Variants in RARRES1 observed in about 807,000 individuals in gnomAD.
RARRES1 encodes the protein retinoic acid receptor responder protein 1.
RARRES1 carries 34 observed loss-of-function variants against 30.6 expected under a neutral mutation model. The ratio of observed to expected loss-of-function variants is 1.11; its 90% CI spans 0.84 to 1.48. RARRES1 has a LOEUF of 1.48. Ranked by LOEUF, RARRES1 falls within the 40% of genes most tolerant of loss-of-function variation. The pLI is 0.00. For missense variants in RARRES1, 373 were observed against 386.5 expected (o/e 0.97, Z 0.29); for synonymous variants, 153 against 155.5 (o/e 0.98, Z 0.12).
In RARRES1 at chr3:158,732,232, C is replaced by T; in HGVS notation, c.184G>A (p.Ala62Thr). The change falls in exon 1 of 6, where the codon GCG becomes ACG. Residue 62 changes from alanine (A) to threonine (T), a missense_variant. Coordinates refer to ENST00000237696, the MANE Select transcript of RARRES1 (RefSeq NM_206963.2). ...AAGAAGTGAAGCGCCGCGCGCGCCGCCTGCTGCAGGAGCCTGCGCGGGACC... is the reference window on the plus strand; with the variant it reads ...AAGAAGTGAAGCGCCGCGCGCGCCGTCTGCTGCAGGAGCCTGCGCGGGACC... ...AGVPRRLLQQ[A>T]ARAALHFFNF... is the part of the protein sequence containing the mutation. 1.4e-6 allele frequency: 2 copies of T among 1,399,016 alleles called. No homozygotes were observed. Among genetic ancestry groups the T allele is most frequent in the Non-Finnish European group, 1.8e-6 (2 of 1,084,168 alleles). 86.7% of individuals were successfully genotyped at this position (1,399,016 alleles called of 1,614,324 possible).
chr3:158,726,396 G>T (rs1727682812), intron 1 of RARRES1, among the ~76,000 whole-genome samples: 1 of 152,216 alleles, frequency 6.6e-6, no homozygotes. Flanking sequence ...AGTGGACAGG[G>T]CTCCATGCTT....
chr3:158,719,205 G>T (rs1727419838), intron 1 of RARRES1, among the ~76,000 whole-genome samples: 1 of 151,512 alleles, frequency 6.6e-6, no homozygotes, highest in South Asian at 2.1e-4. Context: ...AAAGACTTGT[G>T]TACTACAGCC....
intron 1 of RARRES1, among the ~76,000 whole-genome samples, chr3:158,715,174 C>A (rs1194902848): frequency 6.6e-6 from 1 of 152,228 alleles, no homozygotes; most frequent in African/African-American, 2.4e-5. Context: ...TCTGTCTATT[C>A]ACTCATTCGC....
At chr3:158,706,133 C>G (rs1020219964) in intron 3 of RARRES1, among the ~76,000 whole-genome samples, 1 of 152,166 alleles carries the variant, frequency 6.6e-6, no homozygotes, top group African/African-American at 2.4e-5. Flanking sequence ...TAGAACTTGG[C>G]TAGTTTATAC....
chr3:158,711,990 A>G (rs1298418553), intron 2 of RARRES1, among the ~76,000 whole-genome samples: 1 of 152,204 alleles, frequency 6.6e-6, no homozygotes, highest in Non-Finnish European at 1.5e-5. Context: ...CATCAGATGT[A>G]TGACTCATTT....
chr3:158,698,041 T>G (rs1726604461), intron 4 of RARRES1, 71 bp from the exon 5 acceptor site: 2 of 1,099,550 alleles, frequency 1.8e-6, no homozygotes, highest in African/African-American at 3.2e-5. Flanking sequence ...CAATACATTC[T>G]TGTTTTGAAT....
intron 4 of RARRES1, among the ~76,000 whole-genome samples, chr3:158,703,719 T>G (rs558765455): frequency 1.3e-5 from 2 of 152,298 alleles, no homozygotes; most frequent in Non-Finnish European, 2.9e-5. Context: ...CAGCCAGTCC[T>G]CATCCTTGAA....
At position 158,732,360 on chromosome 3, in the gene RARRES1, C is replaced by A; in HGVS notation, c.56G>T (p.Arg19Leu). ...CAGCGCGAGCAGCGGGGCGGTGGGG[C>A]GCGGGCCCCTGGGCCCGGACCAGGG... ...PAPWSGPRGP[R>L]PTAPLLALLL... The change falls in exon 1 of 6, where the codon CGC (arginine) becomes CTC (leucine). Residue 19 changes from arginine to leucine, a missense_variant. By Grantham distance (102) the Arg-to-Leu change is moderately radical. Coordinates refer to ENST00000237696, the MANE Select transcript of RARRES1 (RefSeq NM_206963.2). 6.8e-7 allele frequency: 1 copy of A among 1,465,146 alleles called. No individual in the cohort carries two copies. Among genetic ancestry groups the A allele is most frequent in the South Asian group, 1.3e-5 (1 of 76,642 alleles). The allele number at this position is 1,465,146 out of a possible 1,614,324, so 90.8% of individuals were successfully genotyped here.
At chr3:158,730,277 A>G (rs563283035) in intron 1 of RARRES1, among the ~76,000 whole-genome samples, 4 of 148,122 alleles carry the variant, frequency 2.7e-5, no homozygotes, top group Non-Finnish European at 6.0e-5. Context: ...CCGAGATCGC[A>G]GCGCTGCACT....
At chr3:158,699,214 C>A (rs1168766123) in intron 4 of RARRES1, among the ~76,000 whole-genome samples, 1 of 152,070 alleles carries the variant, frequency 6.6e-6, no homozygotes, top group Non-Finnish European at 1.5e-5. Flanking sequence ...TATGCCAAGT[C>A]CCCCTGTAAA....
intron 4 of RARRES1, among the ~76,000 whole-genome samples, chr3:158,701,442 G>T (rs1483489983): frequency 6.6e-6 from 1 of 150,940 alleles, no homozygotes; most frequent in Non-Finnish European, 1.5e-5. Flanking sequence ...TTACACAATT[G>T]CATTAAAAGG....
chr3:158,709,455 G>A (rs1727039230), intron 3 of RARRES1, among the ~76,000 whole-genome samples: 1 of 152,178 alleles, frequency 6.6e-6, no homozygotes, highest in African/African-American at 2.4e-5. Context: ...TACAACATGA[G>A]ATTTTAATTG....
intron 1 of RARRES1, among the ~76,000 whole-genome samples, chr3:158,721,461 C>A (rs1651366811): frequency 6.6e-6 from 1 of 152,176 alleles, no homozygotes; most frequent in African/African-American, 2.4e-5. Context: ...CCAGGGACCA[C>A]ACTTGGAGAA....
At chr3:158,731,776 T>G (rs939888340) in intron 1 of RARRES1, among the ~76,000 whole-genome samples, 3 of 152,262 alleles carry the variant, frequency 2.0e-5, no homozygotes, top group Non-Finnish European at 2.9e-5. Flanking sequence ...AGCAACCAAC[T>G]CTGGGTACCT....
At chr3:158,700,313 C>T (rs1473414234) in intron 4 of RARRES1, among the ~76,000 whole-genome samples, 1 of 151,558 alleles carries the variant, frequency 6.6e-6, no homozygotes, top group African/African-American at 2.4e-5. Context: ...AATGGCATTT[C>T]TGAAGGAAAT....
chr3:158,719,563 C>T (rs922901391), intron 1 of RARRES1, among the ~76,000 whole-genome samples: 6 of 152,146 alleles, frequency 3.9e-5, no homozygotes, highest in African/African-American at 1.2e-4. Context: ...TGAGCCACTG[C>T]ACCCGGCCCT....
intron 1 of RARRES1, among the ~76,000 whole-genome samples, chr3:158,730,787 A>AT (rs528390033): frequency 6.7e-6 from 1 of 148,718 alleles, no homozygotes; most frequent in Non-Finnish European, 1.5e-5. Context: ...ATTTTATTTT[A>AT]TTTATTTTAT....
chr3:158,722,805 C>T (rs1487879242), intron 1 of RARRES1, among the ~76,000 whole-genome samples: 4 of 150,086 alleles, frequency 2.7e-5, no homozygotes, highest in Admixed American at 6.8e-5. Context: ...TGGCCTGAAC[C>T]CGGGAGGTGG....
chr3:158,704,901 G>C lies in RARRES1; in HGVS notation c.562C>G (p.Leu188Val), dbSNP rs201670043. 6.2e-7 allele frequency: 1 copy of C among 1,613,404 alleles called. No individual in the cohort carries two copies. The highest frequency in any genetic ancestry group is 2.2e-5 in the East Asian group (1 of 44,878). ...PDNHGHIDPSLRLIWDLAFLG... is the reference protein window; with the variant it reads ...PDNHGHIDPSVRLIWDLAFLG... ...AAAGCCAAATCCCAGATGAGTCTCAGAGAGGGATCAATATGTCCATGATTA... is the reference window on the plus strand; with the variant it reads ...AAAGCCAAATCCCAGATGAGTCTCACAGAGGGATCAATATGTCCATGATTA... The change falls in exon 4 of 6, where the codon CTG becomes GTG. Residue 188 changes from leucine (L) to valine (V), a missense_variant. By Grantham distance (32) the Leu-to-Val change is conservative. Coordinates refer to ENST00000237696, the MANE Select transcript of RARRES1 (RefSeq NM_206963.2).
Sources: allele counts gnomAD v4.1 joint callset (sites outside exome capture counted in the v4.1 genomes callset), GRCh38; gene constraint gnomAD v4.1.1; transcripts MANE v1.5; gene names NCBI Gene and HGNC (gene_info 2026-07-23, HGNC 2026-07-21).